Variants in TSHR observed in about 807,000 individuals in gnomAD.
The protein encoded by TSHR is thyroid stimulating hormone receptor.
TSHR carries 51 observed loss-of-function variants against 64.1 expected under a neutral mutation model. The observed-to-expected ratio is 0.80, with a 90% CI of 0.64 to 1.01. TSHR has a LOEUF of 1.01. TSHR is among the 50% of genes least tolerant of loss of function. TSHR has a pLI of 0.00. For missense variants in TSHR, 877 were observed against 942.8 expected (o/e 0.93, Z 0.91); for synonymous variants, 361 against 361.9 (o/e 1.00, Z 0.03).
chr14:81,129,297 GTC>G (rs1266252877), intron 8 of TSHR, among the ~76,000 whole-genome samples: 5 of 152,040 alleles, frequency 3.3e-5, no homozygotes, highest in African/African-American at 1.2e-4. Context: ...ACATTTCACT[GTC>G]TCTCACCTCC....
intron 9 of TSHR, among the ~76,000 whole-genome samples, chr14:81,142,184 G>A (rs907663003): frequency 3.3e-5 from 5 of 152,042 alleles, no homozygotes; most frequent in African/African-American, 4.8e-5. Flanking sequence ...AGGTTTAAGC[G>A]ATTCTCCTGC....
rs1305640283 is a variant in TSHR at position 80,981,046 on chromosome 14, G to A, written c.170+25196G>A. Among the ~76,000 whole-genome samples, 5 of 151,650 alleles carry A rather than the reference G, an allele frequency of 3.3e-5. No individual in the cohort carries two copies. In the East Asian group the frequency reaches 9.6e-4, roughly 29 times the overall value. ...CATTCTATTCTCTGTAATTCTTGGGGGTGTCAGTTTGAAAACTGTGAGATC... is the reference window on the plus strand; with the variant it reads ...CATTCTATTCTCTGTAATTCTTGGGAGTGTCAGTTTGAAAACTGTGAGATC... On this transcript the variant is annotated intron_variant, in intron 1 of 9. Coordinates refer to ENST00000298171, the MANE Select transcript of TSHR (RefSeq NM_000369.5).
chr14:81,063,927 C>T (rs1244385423), intron 2 of TSHR, among the ~76,000 whole-genome samples: 1 of 151,834 alleles, frequency 6.6e-6, no homozygotes, highest in Non-Finnish European at 1.5e-5. Context: ...AAAGCCTGGG[C>T]TTTCTGAAGA....
At chr14:81,122,605 G>A (rs1256568864) in intron 8 of TSHR, among the ~76,000 whole-genome samples, 3 of 152,028 alleles carry the variant, frequency 2.0e-5, no homozygotes, top group African/African-American at 7.2e-5. Context: ...GTAGGGGTGA[G>A]GGATGATAAA....
At chr14:81,070,396 AG>A (rs1053195077) in intron 3 of TSHR, among the ~76,000 whole-genome samples, 2 of 152,098 alleles carry the variant, frequency 1.3e-5, no homozygotes, top group African/African-American at 2.4e-5. Context: ...TAGGGGGCCA[AG>A]GCAGGCGGAT....
At chr14:80,969,244 C>A (rs370518378) in intron 1 of TSHR, among the ~76,000 whole-genome samples, 1 of 152,150 alleles carries the variant, frequency 6.6e-6, no homozygotes, top group Non-Finnish European at 1.5e-5. Context: ...CATGACAGGG[C>A]ACATAGTGAG....
At chr14:81,061,390 A>G (rs1461822370) in intron 1 of TSHR, among the ~76,000 whole-genome samples, 1 of 152,132 alleles carries the variant, frequency 6.6e-6, no homozygotes, top group East Asian at 1.9e-4. Context: ...CATGGAATCA[A>G]CCTAAATGTC....
intron 8 of TSHR, among the ~76,000 whole-genome samples, chr14:81,126,718 G>C (rs1891035115): frequency 6.6e-6 from 1 of 152,168 alleles, no homozygotes; most frequent in South Asian, 2.1e-4. Flanking sequence ...GCTCGTAACA[G>C]TAAAGAATCT....
intron 1 of TSHR, among the ~76,000 whole-genome samples, chr14:81,034,273 T>C (rs567719382): frequency 7.2e-4 from 110 of 152,302 alleles, no homozygotes; most frequent in Non-Finnish European, 1.3e-3. Flanking sequence ...CCACAGAGAA[T>C]GAGAAGTCTA....
chr14:81,143,383 G>C lies in TSHR; in HGVS notation c.1325G>C (p.Ser442Thr), dbSNP rs1416403194. Residue 442 changes from serine to threonine, a missense_variant, in exon 10 of 10, where the codon AGC (serine) becomes ACC (threonine). Transcript: ENST00000298171. ...NVFVLLILLT[S>T]HYKLNVPRFL... ...TTTGTCCTGCTTATTCTCCTCACCA[G>C]CCACTACAAACTGAACGTCCCCCGC... 1.2e-6 allele frequency: 2 copies of C among 1,614,126 alleles called. No individual in the cohort carries two copies. The highest frequency in any genetic ancestry group is 4.5e-5 in the East Asian group (2 of 44,880).
intron 1 of TSHR, among the ~76,000 whole-genome samples, chr14:81,027,938 G>A (rs1232014326): frequency 1.3e-5 from 2 of 152,048 alleles, no homozygotes; most frequent in Admixed American, 1.3e-4. Flanking sequence ...ATTGTTTAAG[G>A]CTGATCTGAG....
intron 1 of TSHR, among the ~76,000 whole-genome samples, chr14:80,999,890 T>C (rs937962609): frequency 6.6e-6 from 1 of 151,986 alleles, no homozygotes; most frequent in Non-Finnish European, 1.5e-5. Flanking sequence ...TTCACATGAG[T>C]ATTAAATTTT....
In TSHR at chr14:81,089,740, C is replaced by A. The variant is rs556494910; in HGVS notation, c.393-1329C>A. Among the ~76,000 whole-genome samples the A allele has an allele frequency of 3.4e-4, 52 of 152,268 alleles. No individual in the cohort carries two copies. The Middle Eastern group carries it at 0.017, about 50-fold the overall frequency. On this transcript the variant is annotated intron_variant, in intron 4 of 9. Coordinates refer to ENST00000298171, the MANE Select transcript of TSHR (RefSeq NM_000369.5). ...ATATGGACCCCACTTGACTCTTGGA[C>A]CTTTTTCCCTCCTACTGTTCTTCAT...
At chr14:81,088,156 G>C (rs961692540) in intron 4 of TSHR, 128 bp downstream of exon 4, 4 of 756,714 alleles carry the variant, frequency 5.3e-6, no homozygotes, top group African/African-American at 5.3e-5. Flanking sequence ...AGCCTGGGTC[G>C]GGGGCAAGGT....
chr14:81,079,013 G>C (rs887150392), intron 3 of TSHR: 2 of 152,170 alleles, frequency 1.3e-5, no homozygotes, highest in African/African-American at 4.8e-5. Flanking sequence ...GCCAGAGGAA[G>C]TAGCAATTAT....
At chr14:80,994,888 A>G (rs1226810685) in intron 1 of TSHR, 2 of 152,214 alleles carry the variant, frequency 1.3e-5, no homozygotes. Context: ...ATAGAATCTA[A>G]TTAAACTAAT....
intron 1 of TSHR, chr14:80,983,483 TA>T: frequency 7.3e-7 from 1 of 1,365,296 alleles, no homozygotes; most frequent in Non-Finnish European, 1.0e-6. Context: ...TCTTTAACCA[TA>T]AAGAGGCAAA....
chr14:81,078,789 C>T (rs1288647623), intron 3 of TSHR: 1 of 152,192 alleles, frequency 6.6e-6, no homozygotes, highest in Non-Finnish European at 1.5e-5. Flanking sequence ...CAATTCCCAT[C>T]AAAAAGCCAG....
At chr14:80,967,409 C>T (rs1345630644) in intron 1 of TSHR, among the ~76,000 whole-genome samples, 3 of 151,404 alleles carry the variant, frequency 2.0e-5, no homozygotes, top group Non-Finnish European at 4.4e-5. Context: ...CTCAGCCTCC[C>T]TAGAAGCTGG....
Sources: allele counts gnomAD v4.1 joint callset (sites outside exome capture counted in the v4.1 genomes callset), GRCh38; gene constraint gnomAD v4.1.1; transcripts MANE v1.5; gene names NCBI Gene and HGNC (gene_info 2026-07-23, HGNC 2026-07-21).